Variants in SAMMSON observed in about 807,000 individuals in gnomAD.
SAMMSON encodes long intergenic non-protein coding RNA 1212.
At chr3:70,021,836 G>A (rs1285540064) in intron 3 of SAMMSON, among the ~76,000 whole-genome samples, 6 of 152,110 alleles carry the variant, frequency 3.9e-5, no homozygotes, top group African/African-American at 1.4e-4. Context: ...AAAAAAACTA[G>A]CTTGCAGCTG....
At chr3:70,272,962 G>GT (rs1399604063) in intron 6 of SAMMSON, among the ~76,000 whole-genome samples, 1 of 152,166 alleles carries the variant, frequency 6.6e-6, no homozygotes, top group Non-Finnish European at 1.5e-5. Context: ...CCTGTGCATT[G>GT]TAATTGGCAT....
At chr3:70,238,056 G>A (rs1125008) in intron 4 of SAMMSON, among the ~76,000 whole-genome samples, 123,667 of 141,640 alleles carry the variant, frequency 0.87, 54,798 homozygotes, top group Non-Finnish European at 0.96. Flanking sequence ...TTATAGTGAC[G>A]AACCTATTCT....
At chr3:70,030,182 TTA>T (rs1394837167) in intron 3 of SAMMSON, among the ~76,000 whole-genome samples, 1 of 152,212 alleles carries the variant, frequency 6.6e-6, no homozygotes, top group Non-Finnish European at 1.5e-5. Flanking sequence ...AGCTGAGTGT[TTA>T]GTGTTATCAA....
intron 4 of SAMMSON, among the ~76,000 whole-genome samples, chr3:70,242,730 A>G (rs1701674883): frequency 6.6e-6 from 1 of 152,192 alleles, no homozygotes; most frequent in Non-Finnish European, 1.5e-5. Flanking sequence ...ATTATGTATA[A>G]TGCTGCTTTT....
chr3:70,308,196 G>T (rs957915661), intron 7 of SAMMSON, among the ~76,000 whole-genome samples: 3 of 152,136 alleles, frequency 2.0e-5, no homozygotes, highest in South Asian at 4.2e-4. Context: ...GACTATAGGG[G>T]TATGCCATTA....
intron 4 of SAMMSON, among the ~76,000 whole-genome samples, chr3:70,189,614 G>A (rs1196866892): frequency 6.6e-6 from 1 of 152,144 alleles, no homozygotes; most frequent in Non-Finnish European, 1.5e-5. Flanking sequence ...AGATGAAAAG[G>A]TAAAAAATAT....
intron 4 of SAMMSON, chr3:70,126,145 T>G (rs1356543681): frequency 8.0e-7 from 1 of 1,254,986 alleles, no homozygotes; most frequent in Admixed American, 2.0e-5. Context: ...GTACATATAC[T>G]TGAGGCATGA....
chr3:70,381,323 G>A (rs1036161256), intron 9 of SAMMSON, among the ~76,000 whole-genome samples: 4 of 152,144 alleles, frequency 2.6e-5, no homozygotes, highest in African/African-American at 9.7e-5. Flanking sequence ...AATGTGGAAT[G>A]AGTGACAGAA....
At chr3:70,011,471 C>G (rs908777729) in intron 1 of SAMMSON, among the ~76,000 whole-genome samples, 7 of 152,024 alleles carry the variant, frequency 4.6e-5, no homozygotes, top group Admixed American at 2.0e-4. Flanking sequence ...TTCTATTAGT[C>G]ATTCAGAATG....
At chr3:70,153,519 T>G (rs994413712) in intron 4 of SAMMSON, among the ~76,000 whole-genome samples, 1 of 151,790 alleles carries the variant, frequency 6.6e-6, no homozygotes, top group African/African-American at 2.4e-5. Context: ...AAAAAAAAAA[T>G]TATTGAAATG....
intron 7 of SAMMSON, among the ~76,000 whole-genome samples, chr3:70,351,939 C>A (rs1702797681): frequency 6.6e-6 from 1 of 151,856 alleles, no homozygotes; most frequent in Admixed American, 6.6e-5. Flanking sequence ...TAAATGATTT[C>A]ATCTGAACAA....
intron 2 of SAMMSON, among the ~76,000 whole-genome samples, chr3:70,432,331 T>C (rs532259782): frequency 1.4e-4 from 22 of 151,938 alleles, no homozygotes; most frequent in African/African-American, 4.8e-4. Flanking sequence ...CCATGTTTAT[T>C]AGGCCATCCA....
chr3:70,172,893 T>C (rs1467550431), intron 4 of SAMMSON: 3 of 151,996 alleles, frequency 2.0e-5, no homozygotes, highest in Non-Finnish European at 4.4e-5. Context: ...TATTTAACTG[T>C]TCGTTTTTAA....
At chr3:70,291,403 T>C (rs889493323) in intron 7 of SAMMSON, among the ~76,000 whole-genome samples, 2 of 152,216 alleles carry the variant, frequency 1.3e-5, no homozygotes, top group African/African-American at 4.8e-5. Flanking sequence ...AACAAATATA[T>C]CGTATTACTA....
intron 9 of SAMMSON, among the ~76,000 whole-genome samples, chr3:70,371,337 T>A (rs1702966201): frequency 6.6e-6 from 1 of 152,072 alleles, no homozygotes; most frequent in South Asian, 2.1e-4. Context: ...ATTTTTTTTC[T>A]TTTTCCATGA....
chr3:70,180,154 G>A (rs971210250), intron 4 of SAMMSON, among the ~76,000 whole-genome samples: 2 of 152,008 alleles, frequency 1.3e-5, no homozygotes, highest in African/African-American at 4.8e-5. Context: ...GTCAACTTAG[G>A]TTTTAGTCTT....
At chr3:70,310,424 G>T (rs1289542895) in intron 7 of SAMMSON, among the ~76,000 whole-genome samples, 1 of 151,948 alleles carries the variant, frequency 6.6e-6, no homozygotes, top group Non-Finnish European at 1.5e-5. Context: ...GGAGTGCAGT[G>T]GTGTGATCTC....
intron 4 of SAMMSON, among the ~76,000 whole-genome samples, chr3:70,210,438 C>T (rs761101047): frequency 1.1e-4 from 17 of 152,056 alleles, no homozygotes; most frequent in Admixed American, 2.6e-4. Flanking sequence ...AGAATTCTGA[C>T]ATCTGAAGTG....
chr3:70,263,355 T>A (rs1049789727), intron 6 of SAMMSON, among the ~76,000 whole-genome samples: 1 of 152,206 alleles, frequency 6.6e-6, no homozygotes, highest in Non-Finnish European at 1.5e-5. Context: ...TAGTTCTTTT[T>A]AATTTTATTT....
Sources: gnomAD v4.1 joint callset for allele counts (sites outside exome capture counted in the v4.1 genomes callset) on GRCh38, gnomAD v4.1.1 for gene constraint, MANE v1.5 for transcripts, NCBI Gene and HGNC (gene_info 2026-07-23, HGNC 2026-07-21) for gene names.